TXNRD1: variants seen among roughly 807,000 people sequenced by gnomAD.
The protein encoded by TXNRD1 is thioredoxin reductase 1, cytoplasmic.
TXNRD1 carries 57 observed loss-of-function variants against 80.3 expected under a neutral mutation model. That is an observed-to-expected ratio of 0.71 (90% CI 0.57 to 0.89). The LOEUF (loss-of-function observed/expected upper bound fraction) is 0.89, where lower values mean the gene tolerates loss of function less well. Among genes scored for constraint, TXNRD1 ranks in the 40% least tolerant of loss-of-function variants. The probability of loss-of-function intolerance (pLI) is 0.00; values close to 1 mark genes in which losing one functional copy is unlikely to be tolerated. For synonymous variants in TXNRD1, 291 were observed against 285.2 expected, an observed-to-expected ratio of 1.02 and a Z score of -0.20; for missense variants, 730 against 803.0, an observed-to-expected ratio of 0.91 and a Z score of 1.10.
intron 4 of TXNRD1, among the ~76,000 whole-genome samples, chr12:104,310,351 G>T (rs754538477): frequency 1.3e-5 from 2 of 152,214 alleles, no homozygotes; most frequent in African/African-American, 4.8e-5. Context: ...GGTTCACCCC[G>T]TTGGCCAGGC....
intron 3 of TXNRD1, 93 bp downstream of exon 3, chr12:104,258,172 TTTATTG>T: frequency 9.7e-7 from 1 of 1,031,114 alleles, no homozygotes; most frequent in African/African-American, 1.6e-5. Flanking sequence ...CCTTGAGGTT[TTTATTG>T]TTTAGTGAGC....
chr12:104,280,216 ACTT>A (rs2033848467), intron 3 of TXNRD1: 1 of 152,032 alleles, frequency 6.6e-6, no homozygotes, highest in Non-Finnish European at 1.5e-5. Context: ...TTCTTGCTGA[ACTT>A]CTTCTAATTA....
intron 8 of TXNRD1, among the ~76,000 whole-genome samples, 168 bp from the exon 9 acceptor site, chr12:104,319,302 T>C (rs955674339): frequency 1.3e-5 from 2 of 152,206 alleles, no homozygotes; most frequent in African/African-American, 4.8e-5. Context: ...ATTGTGACTT[T>C]GAGTAAGTCT....
chr12:104,314,742 T>C (rs1269603351), intron 6 of TXNRD1, among the ~76,000 whole-genome samples: 12 of 143,908 alleles, frequency 8.3e-5, no homozygotes, highest in African/African-American at 1.6e-4. Context: ...TTTTTTCTTT[T>C]TTTTTTTTTT....
At chr12:104,240,190 T>C (rs2135692745) in intron 1 of TXNRD1, among the ~76,000 whole-genome samples, 1 of 152,324 alleles carries the variant, frequency 6.6e-6, no homozygotes, top group South Asian at 2.1e-4. Flanking sequence ...TTTATTTTCC[T>C]CCAGATATCC....
intron 11 of TXNRD1, 143 bp downstream of exon 11, chr12:104,325,572 A>T: frequency 1.5e-6 from 1 of 666,010 alleles, no homozygotes; most frequent in Non-Finnish European, 2.6e-6. Flanking sequence ...ATAACTTATG[A>T]TATTAAAATT....
Position 104,315,803 on chromosome 12 carries a change from G to A in TXNRD1, c.637G>A (p.Gly213Ser), listed in dbSNP as rs772556336. Residue 213 changes from glycine to serine, a missense_variant, in exon 7 of 17, where the codon GGT becomes AGT. Coordinates refer to ENST00000525566, the MANE Select transcript of TXNRD1 (RefSeq NM_001093771.3). ...TCTCGGAGGAACATGTGTGAATGTG[G>A]GTTGCATACCTAAAAAACTGATGCA... ...WGLGGTCVNVGCIPKKLMHQA... is the reference protein window; with the variant it reads ...WGLGGTCVNVSCIPKKLMHQA... The A allele has an allele frequency of 6.2e-7, 1 of 1,609,508 alleles. No individual in the cohort carries two copies. Among genetic ancestry groups the A allele is most frequent in the Non-Finnish European group, 8.5e-7 (1 of 1,177,532 alleles).
intron 2 of TXNRD1, among the ~76,000 whole-genome samples, chr12:104,253,545 A>C (rs562831992): frequency 6.6e-6 from 1 of 152,154 alleles, no homozygotes; most frequent in African/African-American, 2.4e-5. Flanking sequence ...GAAATCTGCT[A>C]TGTAATTCTT....
rs533680263 is a variant in TXNRD1, at chr12:104,307,010, G to A, written c.415-4280G>A. 6.6e-5 allele frequency among the ~76,000 whole-genome samples: 10 copies of A among 152,244 alleles called. No homozygotes were observed. In the South Asian group the frequency reaches 2.1e-3, roughly 32 times the overall value. Reference sequence around the variant, plus strand: ...TAGAGAATCTGGAGGCTTAGGAGAGGTAATTTTTTTGGTCTTCTCTAAAGT... The same window carrying A: ...TAGAGAATCTGGAGGCTTAGGAGAGATAATTTTTTTGGTCTTCTCTAAAGT... On this transcript the variant is annotated intron_variant, in intron 4 of 16. Transcript: ENST00000525566.
At chr12:104,290,716 T>G (rs1389941581) in intron 4 of TXNRD1, among the ~76,000 whole-genome samples, 1 of 68,922 alleles carries the variant, frequency 1.5e-5, no homozygotes, top group African/African-American at 6.3e-5. Context: ...AAAAAAGAAA[T>G]ATACATATAT....
In TXNRD1 at chr12:104,334,247, G is replaced by T; in HGVS notation, c.1661G>T (p.Ser554Ile). 1 of 1,519,518 alleles carries T rather than the reference G, an allele frequency of 6.6e-7. No homozygotes were observed. Among genetic ancestry groups the T allele is most frequent in the East Asian group, 2.4e-5 (1 of 40,850 alleles). The allele number at this position is 1,519,518 out of a possible 1,614,324, so 94.1% of individuals were successfully genotyped here. A position where few individuals can be genotyped will look rare whatever the true frequency, so the allele number is the denominator to read the frequency against. Residue 554 changes from serine to isoleucine, a missense_variant, in exon 15 of 17, where the codon AGT becomes ATT. Coordinates refer to ENST00000525566, the MANE Select transcript of TXNRD1 (RefSeq NM_001093771.3). Reference sequence around the variant, plus strand: ...TTTGTATCTTCTTAGGTTTACCATAGTTACTTTTGGCCATTGGAATGGACG... The same window carrying T: ...TTTGTATCTTCTTAGGTTTACCATATTTACTTTTGGCCATTGGAATGGACG... ...FGEENIEVYH[S>I]YFWPLEWTIP...
At chr12:104,224,364 C>T (rs1266960030) in intron 1 of TXNRD1, among the ~76,000 whole-genome samples, 1 of 151,918 alleles carries the variant, frequency 6.6e-6, no homozygotes, top group East Asian at 1.9e-4. Context: ...GACTGGGCTC[C>T]TGGGGGTAAG....
At chr12:104,296,107 C>T (rs1488442009) in intron 4 of TXNRD1, among the ~76,000 whole-genome samples, 1 of 152,178 alleles carries the variant, frequency 6.6e-6, no homozygotes, top group Admixed American at 6.6e-5. Context: ...GGACTAGAAC[C>T]CAGGCCTGTT....
chr12:104,229,262 C>G (rs374211657), intron 1 of TXNRD1, among the ~76,000 whole-genome samples: 7 of 151,336 alleles, frequency 4.6e-5, no homozygotes, highest in African/African-American at 9.7e-5. Flanking sequence ...ATCCTCCCAC[C>G]TCAGCCTCCT....
At chr12:104,226,325 A>G (rs997469414) in intron 1 of TXNRD1, among the ~76,000 whole-genome samples, 1 of 152,240 alleles carries the variant, frequency 6.6e-6, no homozygotes, top group African/African-American at 2.4e-5. Context: ...TAGGTTGTAG[A>G]TGCTGAACGC....
At chr12:104,304,623 C>A (rs1298577260) in intron 4 of TXNRD1, 28 of 1,613,792 alleles carry the variant, frequency 1.7e-5, no homozygotes, top group Non-Finnish European at 2.4e-5. Flanking sequence ...TTGTTGCAAA[C>A]CTACTTTCGA....
chr12:104,303,811 C>A (rs1434220400), intron 4 of TXNRD1: 2 of 1,389,120 alleles, frequency 1.4e-6, no homozygotes, highest in South Asian at 3.0e-5. Flanking sequence ...CAGAGATACC[C>A]GTGGCCGGCA....
chr12:104,287,057 A>G, intron 3 of TXNRD1: 1 of 1,410,264 alleles, frequency 7.1e-7, no homozygotes, highest in South Asian at 1.5e-5. Flanking sequence ...GCAGAGCGAA[A>G]GGTGGTCGAG....
chr12:104,345,898 T>C, intron 16 of TXNRD1: 1 of 1,174,838 alleles, frequency 8.5e-7, no homozygotes, highest in Non-Finnish European at 1.1e-6. Flanking sequence ...GTACGAGTCC[T>C]GTGTGTTGGG....
Sources: gnomAD v4.1 joint callset for allele counts (sites outside exome capture counted in the v4.1 genomes callset) on GRCh38, gnomAD v4.1.1 for gene constraint, MANE v1.5 for transcripts, NCBI Gene and HGNC (gene_info 2026-07-23, HGNC 2026-07-21) for gene names.